The following CAP2 variants were observed in gnomAD, a reference collection of about 807,000 sequenced individuals.
The protein encoded by CAP2 is cyclase associated actin cytoskeleton regulatory protein 2.
CAP2 carries 24 observed loss-of-function variants against 57.7 expected under a neutral mutation model. That is an observed-to-expected ratio of 0.42 (90% CI 0.30 to 0.58). The LOEUF is 0.58. CAP2 is among the 20% of genes least tolerant of loss of function. The probability of loss-of-function intolerance (pLI) is 0.22; values close to 1 mark genes in which losing one functional copy is unlikely to be tolerated. For synonymous variants in CAP2, 194 were observed against 207.2 expected (o/e 0.94, Z 0.55); for missense variants, 501 against 590.3 (o/e 0.85, Z 1.57).
intron 11 of CAP2, 128 bp from the exon 12 acceptor site, chr6:17,551,336 T>G: frequency 1.4e-6 from 1 of 699,740 alleles, no homozygotes; most frequent in Non-Finnish European, 2.3e-6. Context: ...TCCCCAGCTT[T>G]GACCCAGTGA....
At chr6:17,478,002 AATATAT>A (rs1581553214) in intron 4 of CAP2, among the ~76,000 whole-genome samples, 1 of 147,974 alleles carries the variant, frequency 6.8e-6, no homozygotes, top group Admixed American at 6.8e-5. Flanking sequence ...AAATATATAT[AATATAT>A]ATAAATATAT....
intron 7 of CAP2, chr6:17,536,179 G>A (rs1762768829): frequency 2.2e-6 from 1 of 456,428 alleles, no homozygotes; most frequent in Non-Finnish European, 4.4e-6. Flanking sequence ...GATTCCACTT[G>A]TGGCCAGACA....
intron 4 of CAP2, among the ~76,000 whole-genome samples, chr6:17,480,498 G>A (rs937830747): frequency 6.6e-6 from 1 of 152,152 alleles, no homozygotes; most frequent in African/African-American, 2.4e-5. Context: ...ATTGTAATAA[G>A]GGCATTGTAA....
chr6:17,544,790 A>G (rs1021718251), intron 11 of CAP2, among the ~76,000 whole-genome samples: 3 of 152,152 alleles, frequency 2.0e-5, no homozygotes, highest in Non-Finnish European at 2.9e-5. Context: ...CCTGACCTCA[A>G]GTGGTCCACC....
At chr6:17,471,755 C>G (rs975450798) in intron 4 of CAP2, among the ~76,000 whole-genome samples, 3 of 151,216 alleles carry the variant, frequency 2.0e-5, no homozygotes, top group Non-Finnish European at 4.4e-5. Context: ...GGCATGAACC[C>G]GGGAGGTGGA....
chr6:17,483,626 GT>G (rs1364319468), intron 4 of CAP2, among the ~76,000 whole-genome samples: 2 of 152,190 alleles, frequency 1.3e-5, no homozygotes, highest in African/African-American at 4.8e-5. Context: ...TAAAGGAAAG[GT>G]ATGAAAGACG....
chr6:17,403,195 G>A (rs1758861151), intron 1 of CAP2, among the ~76,000 whole-genome samples: 1 of 152,220 alleles, frequency 6.6e-6, no homozygotes, highest in South Asian at 2.1e-4. Flanking sequence ...TCTGCCTCCT[G>A]GGTTTAAGTG....
intron 7 of CAP2, among the ~76,000 whole-genome samples, chr6:17,537,234 T>C (rs1238004475): frequency 6.6e-6 from 1 of 152,174 alleles, no homozygotes; most frequent in African/African-American, 2.4e-5. Context: ...TTTTCCAGGC[T>C]GGGGTACAGT....
intron 3 of CAP2, among the ~76,000 whole-genome samples, chr6:17,443,849 A>G (rs1349982650): frequency 6.6e-6 from 1 of 152,210 alleles, no homozygotes; most frequent in Non-Finnish European, 1.5e-5. Context: ...GTTTTAAAAC[A>G]TGCCAGATTT....
At chr6:17,508,671 G>A (rs1196670094) in intron 6 of CAP2, among the ~76,000 whole-genome samples, 4 of 152,150 alleles carry the variant, frequency 2.6e-5, no homozygotes, top group East Asian at 1.9e-4. Flanking sequence ...GGCACCTGGG[G>A]ACGTCTCATG....
intron 4 of CAP2, among the ~76,000 whole-genome samples, chr6:17,475,984 C>A (rs1226883037): frequency 1.3e-5 from 2 of 152,164 alleles, no homozygotes; most frequent in Admixed American, 1.3e-4. Flanking sequence ...CCATCATTTT[C>A]TTTGGCTGAA....
At chr6:17,454,786 A>G (rs545918112) in intron 3 of CAP2, among the ~76,000 whole-genome samples, 1 of 152,254 alleles carries the variant, frequency 6.6e-6, no homozygotes, top group East Asian at 1.9e-4. Context: ...TCTTTTGCCA[A>G]ACTTTTCCGT....
At chr6:17,418,633 T>C (rs1759350042) in intron 1 of CAP2, among the ~76,000 whole-genome samples, 1 of 152,144 alleles carries the variant, frequency 6.6e-6, no homozygotes, top group Admixed American at 6.5e-5. Context: ...GCTGGTGCCA[T>C]TCTGTTGGGA....
chr6:17,529,639 T>TAAAAAA (rs1485888055), intron 7 of CAP2, among the ~76,000 whole-genome samples: 3 of 61,294 alleles, frequency 4.9e-5, no homozygotes, highest in African/African-American at 4.2e-4. Context: ...AGACTCCGTC[T>TAAAAAA]CAAAAAAAAA....
At chr6:17,521,907 G>A (rs1259122743) in intron 7 of CAP2, among the ~76,000 whole-genome samples, 2 of 152,164 alleles carry the variant, frequency 1.3e-5, no homozygotes, top group East Asian at 3.9e-4. Flanking sequence ...TCAGGAGTTC[G>A]AGACCAGTGT....
chr6:17,530,226 C>G (rs1431397383), intron 7 of CAP2, among the ~76,000 whole-genome samples: 1 of 152,024 alleles, frequency 6.6e-6, no homozygotes. Flanking sequence ...ACCACAGGCA[C>G]ATAACCACCA....
At chr6:17,436,497 A>T (rs553180105) in intron 3 of CAP2, among the ~76,000 whole-genome samples, 1 of 152,164 alleles carries the variant, frequency 6.6e-6, no homozygotes, top group Non-Finnish European at 1.5e-5. Context: ...GCAGGCAGTC[A>T]GGAAACAAGA....
Position 17,426,836 on chromosome 6 carries a change from C to A in CAP2, c.222+146C>A, listed in dbSNP as rs1327715068. On this transcript the variant is annotated intron_variant, in intron 3 of 12. Transcript: ENST00000229922. ...GATGGTGGCTAAAACATTCATTTAC[C>A]CATTTATTCATTTAATTGTTCCTGC... is the stretch of plus-strand genomic sequence containing the variant. 6.3e-6 allele frequency: 4 copies of A among 639,698 alleles called. No homozygotes were observed. In the East Asian group the frequency reaches 8.4e-5, roughly 13 times the overall value. 39.6% of individuals were successfully genotyped at this position (639,698 alleles called of 1,614,324 possible).
chr6:17,400,269 A>C (rs553557422), intron 1 of CAP2, among the ~76,000 whole-genome samples: 7 of 152,094 alleles, frequency 4.6e-5, no homozygotes, highest in Non-Finnish European at 1.0e-4. Context: ...CCTGTAGTAC[A>C]TAGACAGCTT....
Sources: allele counts gnomAD v4.1 joint callset (sites outside exome capture counted in the v4.1 genomes callset), GRCh38; gene constraint gnomAD v4.1.1; transcripts MANE v1.5; gene names NCBI Gene and HGNC (gene_info 2026-07-23, HGNC 2026-07-21).